The following FARP2 variants were observed in gnomAD, a reference collection of about 807,000 sequenced individuals.
The protein encoded by FARP2 is FERM, ARHGEF and pleckstrin domain-containing protein 2.
In FARP2, 111 loss-of-function variants were observed where a neutral mutation model predicts 130.5. The observed-to-expected ratio is 0.85, with a 90% CI of 0.73 to 1.00. FARP2 has a LOEUF of 1.00. FARP2 is among the 50% of genes least tolerant of loss of function. The probability of loss-of-function intolerance (pLI) is 0.00; values close to 1 mark genes in which losing one functional copy is unlikely to be tolerated. For synonymous variants in FARP2, 504 were observed against 516.9 expected, an observed-to-expected ratio of 0.98 and a Z score of 0.34; for missense variants, 1,385 against 1,346.3, an observed-to-expected ratio of 1.03 and a Z score of -0.45.
At chr2:241,478,431 A>G (rs1431727804) in intron 19 of FARP2, 4 of 248,822 alleles carry the variant, frequency 1.6e-5, no homozygotes, top group Non-Finnish European at 3.2e-5. Flanking sequence ...AGCTTGTCCA[A>G]ATGGCTCTGG....
At chr2:241,368,546 G>A (rs1424112091) in intron 1 of FARP2, among the ~76,000 whole-genome samples, 1 of 152,124 alleles carries the variant, frequency 6.6e-6, no homozygotes, top group African/African-American at 2.4e-5. Context: ...AACAGCCTCA[G>A]CCTCCCGAGT....
At chr2:241,485,095 C>T (rs949224620) in intron 21 of FARP2, among the ~76,000 whole-genome samples, 3 of 152,090 alleles carry the variant, frequency 2.0e-5, no homozygotes, top group African/African-American at 7.2e-5. Context: ...TCCTCACTCC[C>T]TCCTTGTGGT....
chr2:241,473,916 A>G (rs995926285), intron 18 of FARP2, among the ~76,000 whole-genome samples: 11 of 152,152 alleles, frequency 7.2e-5, no homozygotes, highest in East Asian at 3.9e-4. Flanking sequence ...TTGTCAGTCA[A>G]TTTTCTTTGT....
intron 22 of FARP2, 49 bp downstream of exon 22, chr2:241,490,093 G>A (rs1441929810): frequency 5.9e-6 from 8 of 1,355,724 alleles, no homozygotes; most frequent in Non-Finnish European, 8.5e-6. Context: ...ATGGAGGGGT[G>A]GGGACTTCCT....
intron 19 of FARP2, chr2:241,478,410 C>T (rs778559956): frequency 8.4e-6 from 2 of 238,588 alleles, no homozygotes; most frequent in Non-Finnish European, 1.7e-5. Flanking sequence ...TGCCGTGGCC[C>T]AGCACCCGGT....
At chr2:241,399,601 C>CA (rs1429823195) in intron 2 of FARP2, among the ~76,000 whole-genome samples, 1 of 152,248 alleles carries the variant, frequency 6.6e-6, no homozygotes, top group Non-Finnish European at 1.5e-5. Flanking sequence ...TGAGCCACCA[C>CA]ACCCAGCCTC....
At chr2:241,430,791 G>A (rs902272579) in intron 8 of FARP2, among the ~76,000 whole-genome samples, 6 of 152,172 alleles carry the variant, frequency 3.9e-5, no homozygotes, top group African/African-American at 1.4e-4. Flanking sequence ...ATCACCTGAG[G>A]TCAGGAGTTC....
Position 241,468,286 on chromosome 2 carries a change from G to T in FARP2, c.2040G>T (p.Lys680Asn), listed in dbSNP as rs1401304303. The T allele has an allele frequency of 2.5e-6, 4 of 1,613,744 alleles. No individual in the cohort carries two copies. Among genetic ancestry groups the T allele is most frequent in the Non-Finnish European group, 3.4e-6 (4 of 1,180,040 alleles). ...TGCCTCTCAACACGTTCCTGCTGAA[G>T]CCCATCCAGCGGCTGCTGCACTACC... ...CYLPLNTFLL[K>N]PIQRLLHYRL... The change falls in exon 18 of 27, where the codon AAG becomes AAT. Residue 680 changes from lysine to asparagine, a missense_variant. Physicochemically the swap from Lys to Asn is moderately conservative, Grantham distance 94 (BLOSUM62 0). Transcript: ENST00000264042.
chr2:241,408,529 G>A (rs1432936332), intron 5 of FARP2, among the ~76,000 whole-genome samples: 4 of 134,716 alleles, frequency 3.0e-5, no homozygotes, highest in East Asian at 4.5e-4. Flanking sequence ...CAACAAGAGC[G>A]AAACTCTGTC....
intron 24 of FARP2, among the ~76,000 whole-genome samples, chr2:241,492,405 T>TA (rs1476815204): frequency 1.3e-5 from 2 of 152,182 alleles, no homozygotes; most frequent in African/African-American, 2.4e-5. Flanking sequence ...TCCGCCATCT[T>TA]AGAGTGCAAC....
At chr2:241,421,357 GA>G (rs1378699875) in intron 8 of FARP2, among the ~76,000 whole-genome samples, 2 of 152,200 alleles carry the variant, frequency 1.3e-5, no homozygotes, top group Non-Finnish European at 2.9e-5. Context: ...GAAGGAGGCT[GA>G]ATCCAAGGAG....
intron 12 of FARP2, among the ~76,000 whole-genome samples, chr2:241,439,666 A>G (rs2063333011): frequency 6.6e-6 from 1 of 152,164 alleles, no homozygotes; most frequent in Non-Finnish European, 1.5e-5. Flanking sequence ...AATCATCTAA[A>G]AGTTACCTTT....
At chr2:241,474,563 A>G (rs2064405590) in intron 18 of FARP2, among the ~76,000 whole-genome samples, 2 of 151,526 alleles carry the variant, frequency 1.3e-5, no homozygotes, top group Admixed American at 1.3e-4. Context: ...GGCCAAGGTG[A>G]GTAGATCATC....
At chr2:241,394,078 C>T (rs1023454083) in intron 2 of FARP2, among the ~76,000 whole-genome samples, 3 of 152,094 alleles carry the variant, frequency 2.0e-5, no homozygotes, top group Admixed American at 6.6e-5. Context: ...GAGGCCCTTC[C>T]GACCTAGTGC....
At chr2:241,485,798 C>G (rs1477887931) in intron 21 of FARP2, among the ~76,000 whole-genome samples, 2 of 150,186 alleles carry the variant, frequency 1.3e-5, no homozygotes, top group African/African-American at 4.9e-5. Context: ...TCTTCCTCCC[C>G]CAGGGCCCTC....
chr2:241,408,942 A>G (rs996781274), intron 5 of FARP2, among the ~76,000 whole-genome samples: 2 of 152,192 alleles, frequency 1.3e-5, no homozygotes, highest in Non-Finnish European at 2.9e-5. Context: ...ATGAGTGACC[A>G]TAGATCTTAA....
intron 7 of FARP2, among the ~76,000 whole-genome samples, chr2:241,415,989 CTGTGTG>C (rs57774022): frequency 0.068 from 9,673 of 141,762 alleles, 394 homozygotes; most frequent in African/African-American, 0.13. Context: ...CAGGGTAGTT[CTGTGTG>C]TGTGTGTGTG....
At chr2:241,465,320 G>A in intron 17 of FARP2, 1 of 696,192 alleles carries the variant, frequency 1.4e-6, no homozygotes, top group Non-Finnish European at 2.6e-6. Context: ...GTCTTCCTCA[G>A]AACATCATTC....
intron 2 of FARP2, among the ~76,000 whole-genome samples, chr2:241,375,442 A>G (rs1185802639): frequency 2.0e-5 from 3 of 152,154 alleles, no homozygotes; most frequent in African/African-American, 7.2e-5. Context: ...GACTTTATCA[A>G]CTAAAACTAG....
Sources: allele counts gnomAD v4.1 joint callset (sites outside exome capture counted in the v4.1 genomes callset), GRCh38; gene constraint gnomAD v4.1.1; transcripts MANE v1.5; gene names NCBI Gene and HGNC (gene_info 2026-07-23, HGNC 2026-07-21).